NFIC: variants seen among roughly 807,000 people sequenced by gnomAD.
NFIC encodes the protein nuclear factor 1 C-type.
NFIC carries 12 observed loss-of-function variants against 54.4 expected under a neutral mutation model. The observed-to-expected ratio is 0.22, with a 90% CI of 0.14 to 0.36. The LOEUF is 0.36. Ranked by LOEUF, NFIC falls within the 10% of genes least tolerant of loss-of-function variation. The probability of loss-of-function intolerance (pLI) is 1.00; values close to 1 mark genes in which losing one functional copy is unlikely to be tolerated. For missense variants in NFIC, 575 were observed against 718.2 expected, an observed-to-expected ratio of 0.80 and a Z score of 2.28; for synonymous variants, 322 against 319.2, an observed-to-expected ratio of 1.01 and a Z score of -0.09.
chr19:3,463,255 A>C lies in NFIC; in HGVS notation c.*486A>C. 1 of 990,958 alleles carries C rather than the reference A, an allele frequency of 1.0e-6. No homozygotes were observed. The highest frequency in any genetic ancestry group is 1.2e-6 in the Non-Finnish European group (1 of 834,076). 61.4% of individuals were successfully genotyped at this position (990,958 alleles called of 1,614,324 possible). ...GGGCCGACAGGCGCGACACCCAGCAAGGCCACCTCTCCCCGGGCCCCCGCG... is the reference window on the plus strand; with the variant it reads ...GGGCCGACAGGCGCGACACCCAGCACGGCCACCTCTCCCCGGGCCCCCGCG... On this transcript the variant is annotated 3_prime_UTR_variant, in exon 11 of 11. Coordinates refer to ENST00000443272, the MANE Select transcript of NFIC (RefSeq NM_001245002.2).
At chr19:3,430,730 G>C (rs865825117) in intron 3 of NFIC, among the ~76,000 whole-genome samples, 1 of 151,826 alleles carries the variant, frequency 6.6e-6, no homozygotes, top group South Asian at 2.1e-4. Flanking sequence ...TCAGGAGTTC[G>C]AGACCAGCCG....
intron 2 of NFIC, among the ~76,000 whole-genome samples, chr19:3,391,958 G>A (rs2081383313): frequency 6.6e-6 from 1 of 152,014 alleles, no homozygotes. Flanking sequence ...GCTCTGCCCT[G>A]CAGACAGCTG....
intron 3 of NFIC, among the ~76,000 whole-genome samples, chr19:3,430,885 T>G (rs1458828080): frequency 6.9e-6 from 1 of 145,668 alleles, no homozygotes; most frequent in Non-Finnish European, 1.5e-5. Context: ...TGAGCCAAGA[T>G]TGCGCCACTG....
intron 9 of NFIC, 78 bp from the exon 10 acceptor site, chr19:3,456,472 C>T: frequency 1.4e-6 from 2 of 1,413,928 alleles, no homozygotes; most frequent in Non-Finnish European, 9.7e-7. Flanking sequence ...TGGCGGTGGC[C>T]ACCCTCTCTG....
At chr19:3,404,336 G>T (rs2081608096) in intron 2 of NFIC, among the ~76,000 whole-genome samples, 1 of 152,156 alleles carries the variant, frequency 6.6e-6, no homozygotes, top group South Asian at 2.1e-4. Flanking sequence ...GGGTGGGGGT[G>T]AGGGTGTGCG....
Position 3,463,826 on chromosome 19 carries a change from G to T in NFIC, c.*1057G>T. On this transcript the variant is annotated 3_prime_UTR_variant, in exon 11 of 11. Coordinates refer to ENST00000443272, the MANE Select transcript of NFIC (RefSeq NM_001245002.2). ...GCCCCTGGCGGTGGGAGGTGAGAGC[G>T]AGTGGTTTAAGTGCCTGATTACCAC... 2.0e-6 allele frequency: 2 copies of T among 984,954 alleles called. No individual in the cohort carries two copies. The highest frequency in any genetic ancestry group is 1.2e-6 in the Non-Finnish European group (1 of 829,822). The allele number at this position is 984,954 out of a possible 1,614,324, so 61.0% of individuals were successfully genotyped here.
At position 3,440,588 on chromosome 19, in the gene NFIC, G is replaced by A. The variant is rs148636724; in HGVS notation, c.958+5381G>A. On this transcript the variant is annotated intron_variant, in intron 6 of 10. Coordinates refer to ENST00000443272, the MANE Select transcript of NFIC (RefSeq NM_001245002.2). ...TAGGATTACAGGTGCCCGCCACCAC[G>A]GCTGGCTAATTTTTGTATTTTTAGC... Among the ~76,000 whole-genome samples the A allele has an allele frequency of 6.2e-3, 945 of 152,170 alleles. 5 individuals are homozygous for A. Among genetic ancestry groups the A allele is most frequent in the African/African-American group, 9.9e-3 (413 of 41,532 alleles).
chr19:3,422,647 A>G (rs923419777), intron 2 of NFIC, among the ~76,000 whole-genome samples: 19 of 151,124 alleles, frequency 1.3e-4, no homozygotes, highest in African/African-American at 4.6e-4. Context: ...AACCCAGGAG[A>G]CGGAGCTTGC....
At chr19:3,378,741 G>T (rs993127070) in intron 1 of NFIC, among the ~76,000 whole-genome samples, 1 of 152,160 alleles carries the variant, frequency 6.6e-6, no homozygotes, top group Admixed American at 6.5e-5. Flanking sequence ...TCTCCAGGGT[G>T]GGTCTGCAGG....
rs568996877 is a variant in NFIC at position 3,463,575 on chromosome 19, G to A, written c.*806G>A. The A allele has an allele frequency of 1.0e-6, 1 of 984,110 alleles. No homozygotes were observed. Among genetic ancestry groups the A allele is most frequent in the South Asian group, 4.7e-5 (1 of 21,238 alleles). 61.0% of individuals were successfully genotyped at this position (984,110 alleles called of 1,614,324 possible). A position where few individuals can be genotyped will look rare whatever the true frequency, so the allele number is the denominator to read the frequency against. On this transcript the variant is annotated 3_prime_UTR_variant, in exon 11 of 11. Coordinates refer to ENST00000443272, the MANE Select transcript of NFIC (RefSeq NM_001245002.2). ...CTCGCTGGGGACTCTTTCAGCCCTC[G>A]CGCCCGCCCGTTTGGGAGGAGAAGT...
chr19:3,468,423 C>G lies in NFIC; in HGVS notation c.*5654C>G, dbSNP rs1474251580. The G allele has an allele frequency of 6.6e-6, 1 of 152,166 alleles. No individual in the cohort carries two copies. Among genetic ancestry groups the G allele is most frequent in the Non-Finnish European group, 1.5e-5 (1 of 68,126 alleles). The allele number at this position is 152,166 out of a possible 1,614,324, so 9.4% of individuals were successfully genotyped here. A position where few individuals can be genotyped will look rare whatever the true frequency, so the allele number is the denominator to read the frequency against. On this transcript the variant is annotated 3_prime_UTR_variant, in exon 11 of 11. Transcript: ENST00000443272. ...ACACCCCATCCTCTCATCTTGGGTC[C>G]CAGCCAGGCCCCCCCAAAACCAAAG...
At chr19:3,384,045 C>A (rs1386205527) in intron 2 of NFIC, among the ~76,000 whole-genome samples, 1 of 145,248 alleles carries the variant, frequency 6.9e-6, no homozygotes, top group Non-Finnish European at 1.5e-5. Flanking sequence ...CAGAGTTACC[C>A]AGTGTTTTTT....
chr19:3,461,293 C>T (rs1259824985), intron 10 of NFIC, among the ~76,000 whole-genome samples: 2 of 150,812 alleles, frequency 1.3e-5, no homozygotes, highest in Non-Finnish European at 2.9e-5. Flanking sequence ...TGTGGTGGAA[C>T]ATACCTGTGG....
chr19:3,395,449 A>G (rs1448906824), intron 2 of NFIC, among the ~76,000 whole-genome samples: 2 of 147,828 alleles, frequency 1.4e-5, no homozygotes. Flanking sequence ...TTAGCCTCCT[A>G]AGTCGCTGGG....
chr19:3,416,200 C>T (rs1053628040), intron 2 of NFIC, among the ~76,000 whole-genome samples: 2 of 150,834 alleles, frequency 1.3e-5, no homozygotes, highest in African/African-American at 4.9e-5. Context: ...ATTGCCCCCC[C>T]ATAAAGAGCC....
At position 3,456,617 on chromosome 19, in the gene NFIC, G is replaced by A. The variant is rs776835036; in HGVS notation, c.1491G>A (p.Ala497=). ...TGGGATTAGGACCAAGGGATCCTGC[G>A]GGCATTTATCAGGCACAGGTAGGGG... ...SFVGLGPRDP[A]GIYQAQSWYL... The change falls in exon 10 of 11, where the codon GCG becomes GCA. Residue 497 remains alanine (A), a synonymous_variant. Coordinates refer to ENST00000443272, the MANE Select transcript of NFIC (RefSeq NM_001245002.2). 3.0e-5 allele frequency: 47 copies of A among 1,552,958 alleles called. No homozygotes were observed. Among genetic ancestry groups the A allele is most frequent in the African/African-American group, 6.8e-5 (5 of 73,122 alleles).
At chr19:3,363,468 C>T (rs977647054), upstream of NFIC, among the ~76,000 whole-genome samples, 11 of 151,202 alleles carry the variant, frequency 7.3e-5, no homozygotes, top group East Asian at 1.9e-4. Flanking sequence ...GACGGGGTTT[C>T]GCCATGTTGG....
Position 3,434,301 on chromosome 19 carries a change from C to T in NFIC, c.734C>T (p.Pro245Leu). ...GCACCCGTGGTGACTGGAACAGGAC[C>T]CAACTTCTCCCTGGGGGAGCTGCAG... ...SRTPVVTGTG[P>L]NFSLGELQGH... Residue 245 changes from proline to leucine, a missense_variant, in exon 5 of 11, where the codon CCC becomes CTC. By Grantham distance (98) the Pro-to-Leu change is moderately conservative. This residue lies in a region of NFIC where 447 missense variants were observed against 526.9 expected (regional missense o/e 0.85). Coordinates refer to ENST00000443272, the MANE Select transcript of NFIC (RefSeq NM_001245002.2). 6.2e-7 allele frequency: 1 copy of T among 1,612,710 alleles called. No individual in the cohort carries two copies. The highest frequency in any genetic ancestry group is 8.5e-7 in the Non-Finnish European group (1 of 1,179,840).
intron 2 of NFIC, among the ~76,000 whole-genome samples, chr19:3,418,476 TGAG>T (rs2081902836): frequency 6.6e-6 from 1 of 152,126 alleles, no homozygotes; most frequent in South Asian, 2.1e-4. Flanking sequence ...CTGTAGAACG[TGAG>T]GAGTTTTCAG....
Sources: gnomAD v4.1 joint callset for allele counts (sites outside exome capture counted in the v4.1 genomes callset) on GRCh38, gnomAD v4.1.1 for gene constraint, gnomAD v4.1.1 regional missense constraint, MANE v1.5 for transcripts, NCBI Gene and HGNC (gene_info 2026-07-23, HGNC 2026-07-21) for gene names.